The following GRHL2 variants were observed in gnomAD, a reference collection of about 807,000 sequenced individuals.
GRHL2 encodes the protein grainyhead like transcription factor 2.
A neutral mutation model predicts 83.8 loss-of-function variants in GRHL2; 21 were observed. The observed-to-expected ratio is 0.25, with a 90% CI of 0.18 to 0.36. GRHL2 has a LOEUF of 0.36. Among genes scored for constraint, GRHL2 ranks in the 10% least tolerant of loss-of-function variants. GRHL2 has a pLI of 1.00. For synonymous variants in GRHL2, 280 were observed against 278.9 expected, an observed-to-expected ratio of 1.00 and a Z score of -0.04; for missense variants, 623 against 781.8, an observed-to-expected ratio of 0.80 and a Z score of 2.42.
intron 12 of GRHL2, among the ~76,000 whole-genome samples, chr8:101,639,682 T>G (rs1813358309): frequency 6.6e-6 from 1 of 152,222 alleles, no homozygotes; most frequent in African/African-American, 2.4e-5. Context: ...ACACCCTTGG[T>G]TCATTCCTTG....
intron 15 of GRHL2, 107 bp downstream of exon 15, chr8:101,664,625 C>G: frequency 1.2e-6 from 1 of 808,092 alleles, no homozygotes; most frequent in Non-Finnish European, 2.1e-6. Context: ...GCCCACTTTT[C>G]ATAAAAATTG....
intron 4 of GRHL2, among the ~76,000 whole-genome samples, chr8:101,564,911 T>C (rs923854378): frequency 1.3e-5 from 2 of 152,026 alleles, no homozygotes; most frequent in Non-Finnish European, 2.9e-5. Flanking sequence ...GGCAAATATG[T>C]GTTGATTTAT....
intron 8 of GRHL2, among the ~76,000 whole-genome samples, chr8:101,615,172 G>GT (rs1812829159): frequency 1.3e-5 from 2 of 152,158 alleles, no homozygotes; most frequent in African/African-American, 4.8e-5. Context: ...TGGGTGGTTG[G>GT]TTTTTATAAC....
intron 13 of GRHL2, among the ~76,000 whole-genome samples, chr8:101,648,384 A>G (rs182640867): frequency 6.6e-6 from 1 of 152,298 alleles, no homozygotes; most frequent in East Asian, 1.9e-4. Context: ...TTTGCAGAGA[A>G]ATAAATAGAA....
intron 1 of GRHL2, among the ~76,000 whole-genome samples, chr8:101,517,954 G>A (rs1012324001): frequency 2.0e-5 from 3 of 152,078 alleles, no homozygotes; most frequent in Admixed American, 6.5e-5. Flanking sequence ...CCAGCACCTC[G>A]CTTATTCCCA....
Position 101,668,405 on chromosome 8 carries a change from G to C in GRHL2, c.*1702G>C, listed in dbSNP as rs1814127686. Reference sequence around the variant, plus strand: ...AGATGCAGAGCAGGATGGAGGGTCTGCTTCTAGCTCAGCTGTTTCTCCTTG... The same window carrying C: ...AGATGCAGAGCAGGATGGAGGGTCTCCTTCTAGCTCAGCTGTTTCTCCTTG... On this transcript the variant is annotated 3_prime_UTR_variant, in exon 16 of 16. Coordinates refer to ENST00000646743, the MANE Select transcript of GRHL2 (RefSeq NM_024915.4). 1 of 152,746 alleles carries C rather than the reference G, an allele frequency of 6.5e-6. No homozygotes were observed. Among genetic ancestry groups the C allele is most frequent in the Non-Finnish European group, 1.5e-5 (1 of 68,124 alleles). The allele number at this position is 152,746 out of a possible 1,614,324, so 9.5% of individuals were successfully genotyped here. A position where few individuals can be genotyped will look rare whatever the true frequency, so the allele number is the denominator to read the frequency against.
chr8:101,674,362 A>G (rs796952523), downstream of GRHL2, among the ~76,000 whole-genome samples: 2 of 152,324 alleles, frequency 1.3e-5, no homozygotes, highest in South Asian at 2.1e-4. Context: ...GTAATAAAAA[A>G]TGATAAAGGG....
chr8:101,636,835 A>G, intron 11 of GRHL2, 62 bp from the exon 12 acceptor site: 1 of 1,444,788 alleles, frequency 6.9e-7, no homozygotes, highest in Non-Finnish European at 9.7e-7. Flanking sequence ...TCTGTACATC[A>G]CGTAATATTT....
At chr8:101,659,931 T>C (rs1813882763) in intron 14 of GRHL2, among the ~76,000 whole-genome samples, 1 of 152,132 alleles carries the variant, frequency 6.6e-6, no homozygotes, top group South Asian at 2.1e-4. Flanking sequence ...TCTAAAGAGA[T>C]GGTGAGCTGC....
At chr8:101,649,691 T>C (rs1434321708) in intron 14 of GRHL2, among the ~76,000 whole-genome samples, 192 bp downstream of exon 14, 1 of 152,102 alleles carries the variant, frequency 6.6e-6, no homozygotes, top group African/African-American at 2.4e-5. Context: ...AGAAGGAAAC[T>C]GAAAAACTGC....
intron 1 of GRHL2, among the ~76,000 whole-genome samples, chr8:101,530,058 T>A (rs1810892078): frequency 1.3e-5 from 2 of 152,194 alleles, no homozygotes; most frequent in Non-Finnish European, 2.9e-5. Flanking sequence ...CAACTAATGT[T>A]GTAGTTAGTT....
intron 2 of GRHL2, among the ~76,000 whole-genome samples, chr8:101,547,672 C>T (rs1480360938): frequency 6.6e-6 from 1 of 152,240 alleles, no homozygotes; most frequent in African/African-American, 2.4e-5. Context: ...TGTATGTTTC[C>T]TAATAGCCAT....
intron 9 of GRHL2, among the ~76,000 whole-genome samples, chr8:101,623,720 A>G (rs1044555994): frequency 2.6e-5 from 4 of 152,184 alleles, no homozygotes; most frequent in South Asian, 2.1e-4. Context: ...GACAGTTTAC[A>G]GTACACAGTA....
intron 7 of GRHL2, among the ~76,000 whole-genome samples, chr8:101,578,074 C>T (rs1180677129): frequency 6.6e-6 from 1 of 152,172 alleles, no homozygotes; most frequent in African/African-American, 2.4e-5. Flanking sequence ...GAGGTCCGTT[C>T]TGTAGAGACC....
intron 6 of GRHL2, among the ~76,000 whole-genome samples, chr8:101,575,823 A>G (rs1174180667): frequency 6.6e-6 from 1 of 152,236 alleles, no homozygotes; most frequent in Non-Finnish European, 1.5e-5. Context: ...CAGAGGGTAG[A>G]ATGAAAAGCT....
chr8:101,662,426 T>A (rs912531802), intron 14 of GRHL2, among the ~76,000 whole-genome samples: 6 of 152,170 alleles, frequency 3.9e-5, no homozygotes, highest in African/African-American at 9.7e-5. Flanking sequence ...TGGGGTGAGA[T>A]AGATGGAAGG....
At chr8:101,610,026 A>G (rs570225173) in intron 8 of GRHL2, among the ~76,000 whole-genome samples, 11 of 150,964 alleles carry the variant, frequency 7.3e-5, no homozygotes, top group African/African-American at 2.7e-4. Flanking sequence ...TTATTTCACC[A>G]AGCAGCCCAA....
At chr8:101,541,991 C>T (rs558233055) in intron 1 of GRHL2, among the ~76,000 whole-genome samples, 1 of 152,224 alleles carries the variant, frequency 6.6e-6, no homozygotes, top group African/African-American at 2.4e-5. Flanking sequence ...TCTGTTGTAG[C>T]ACAGGATCTA....
At chr8:101,655,331 G>A (rs773591836) in intron 14 of GRHL2, among the ~76,000 whole-genome samples, 10 of 152,110 alleles carry the variant, frequency 6.6e-5, no homozygotes, top group African/African-American at 2.4e-4. Context: ...TCTTGAGTAC[G>A]TCCATTTTTG....
Sources: gnomAD v4.1 joint callset for allele counts (sites outside exome capture counted in the v4.1 genomes callset) on GRCh38, gnomAD v4.1.1 for gene constraint, MANE v1.5 for transcripts, NCBI Gene and HGNC (gene_info 2026-07-23, HGNC 2026-07-21) for gene names.